The following MAMDC2 variants were observed in gnomAD, a reference collection of about 807,000 sequenced individuals.
MAMDC2 encodes the protein MAM domain containing 2.
Under a neutral mutation model 89.8 loss-of-function variants are expected in MAMDC2, and 57 were observed. That is an observed-to-expected ratio of 0.63 (90% confidence interval 0.51 to 0.79). The LOEUF (loss-of-function observed/expected upper bound fraction) is 0.79, where lower values mean the gene tolerates loss of function less well. MAMDC2 is among the 30% of genes least tolerant of loss of function. The pLI is 0.00. For missense variants in MAMDC2, 800 were observed against 820.6 expected, an observed-to-expected ratio of 0.97 and a Z score of 0.31; for synonymous variants, 313 against 293.4, an observed-to-expected ratio of 1.07 and a Z score of -0.68.
intron 11 of MAMDC2, among the ~76,000 whole-genome samples, chr9:70,207,057 C>T (rs1039823655): frequency 6.6e-6 from 1 of 152,172 alleles, no homozygotes; most frequent in African/African-American, 2.4e-5. Flanking sequence ...GGTTCCAAGG[C>T]TTTGCTATTG....
chr9:70,121,226 G>A (rs1022802790), intron 5 of MAMDC2, among the ~76,000 whole-genome samples: 3 of 152,160 alleles, frequency 2.0e-5, no homozygotes, highest in African/African-American at 7.2e-5. Flanking sequence ...GACTACCAGG[G>A]GCCACTGGTT....
chr9:70,207,482 T>C (rs1293059851), intron 11 of MAMDC2, among the ~76,000 whole-genome samples: 1 of 151,200 alleles, frequency 6.6e-6, no homozygotes, highest in African/African-American at 2.4e-5. Context: ...GGCTGTTTGA[T>C]TTTTTTCTTG....
intron 7 of MAMDC2, among the ~76,000 whole-genome samples, chr9:70,135,020 G>A (rs1157393125): frequency 6.6e-6 from 1 of 152,170 alleles, no homozygotes; most frequent in Non-Finnish European, 1.5e-5. Flanking sequence ...GAACTCCAGG[G>A]AGCAGAGGAA....
intron 2 of MAMDC2, among the ~76,000 whole-genome samples, chr9:70,077,123 T>C (rs2118111097): frequency 6.6e-6 from 1 of 152,340 alleles, no homozygotes; most frequent in African/African-American, 2.4e-5. Flanking sequence ...TGGATTAATT[T>C]ATTCTAGGTT....
intron 2 of MAMDC2, chr9:70,081,564 C>G (rs185004905): frequency 6.6e-6 from 1 of 152,206 alleles, no homozygotes; most frequent in East Asian, 1.9e-4. Flanking sequence ...TGTGTGTGTA[C>G]ATACCACACA....
At chr9:70,202,317 T>C (rs1376917032) in intron 11 of MAMDC2, among the ~76,000 whole-genome samples, 7 of 152,112 alleles carry the variant, frequency 4.6e-5, no homozygotes, top group African/African-American at 1.7e-4. Flanking sequence ...ATGTACCCAG[T>C]AGTCATTCAG....
intron 5 of MAMDC2, among the ~76,000 whole-genome samples, chr9:70,125,401 TAAG>T (rs1209908322): frequency 6.6e-6 from 1 of 152,192 alleles, no homozygotes; most frequent in Non-Finnish European, 1.5e-5. Context: ...ACAGGGCTAG[TAAG>T]AAGTGGAGCA....
intron 2 of MAMDC2, among the ~76,000 whole-genome samples, chr9:70,050,764 A>G (rs1826875387): frequency 6.6e-6 from 1 of 152,150 alleles, no homozygotes; most frequent in African/African-American, 2.4e-5. Flanking sequence ...GCTTATAGTT[A>G]TGCCATCTAC....
At chr9:70,090,355 A>C (rs1316420499) in intron 2 of MAMDC2, among the ~76,000 whole-genome samples, 1 of 151,924 alleles carries the variant, frequency 6.6e-6, no homozygotes, top group Non-Finnish European at 1.5e-5. Context: ...GTGGTGGCTC[A>C]TGCCTGCAGC....
intron 2 of MAMDC2, chr9:70,071,594 G>A (rs1269253421): frequency 6.6e-6 from 1 of 152,098 alleles, no homozygotes; most frequent in Non-Finnish European, 1.5e-5. Flanking sequence ...CATACGTGAG[G>A]TGTTATTTTT....
intron 9 of MAMDC2, among the ~76,000 whole-genome samples, chr9:70,144,497 C>T (rs2031331813): frequency 6.6e-6 from 1 of 152,216 alleles, no homozygotes; most frequent in South Asian, 2.1e-4. Context: ...TAAATTCTGT[C>T]AACTGCAACT....
intron 9 of MAMDC2, among the ~76,000 whole-genome samples, chr9:70,149,093 C>T (rs1157757121): frequency 3.4e-5 from 5 of 145,392 alleles, no homozygotes; most frequent in Admixed American, 6.9e-5. Context: ...AGCCTATAGT[C>T]CCAGCTACTC....
chr9:70,105,383 A>G (rs1828311107), intron 2 of MAMDC2, among the ~76,000 whole-genome samples: 1 of 152,150 alleles, frequency 6.6e-6, no homozygotes, highest in African/African-American at 2.4e-5. Flanking sequence ...ATTAATTTAG[A>G]AAATTAGTCT....
At chr9:70,158,179 C>A (rs1364325453) in intron 9 of MAMDC2, among the ~76,000 whole-genome samples, 22 of 152,050 alleles carry the variant, frequency 1.4e-4, no homozygotes, top group Admixed American at 1.4e-3. Context: ...TGTCTCAAAC[C>A]CCTGGGCTCA....
intron 4 of MAMDC2, 92 bp downstream of exon 4, chr9:70,109,896 A>G (rs1828460405): frequency 1.0e-6 from 1 of 998,206 alleles, no homozygotes; most frequent in Non-Finnish European, 1.6e-6. Context: ...CTAAAGACCA[A>G]CTATTTTATA....
intron 11 of MAMDC2, chr9:70,217,716 A>T: frequency 7.5e-7 from 1 of 1,327,974 alleles, no homozygotes; most frequent in African/African-American, 1.5e-5. Flanking sequence ...ATTTAAAAAA[A>T]TTACAGAGTA....
At chr9:70,149,534 G>C (rs2031517444) in intron 9 of MAMDC2, among the ~76,000 whole-genome samples, 1 of 152,154 alleles carries the variant, frequency 6.6e-6, no homozygotes, top group Admixed American at 6.5e-5. Context: ...TTGGATGCTG[G>C]CTACCTCAGG....
intron 9 of MAMDC2, 95 bp from the exon 10 acceptor site, chr9:70,168,607 C>T (rs2032238214): frequency 3.4e-6 from 3 of 882,098 alleles, no homozygotes; most frequent in Non-Finnish European, 5.5e-6. Flanking sequence ...TGTAGTTTGC[C>T]TATGCTCGCC....
chr9:70,059,950 C>A (rs1220541000), intron 2 of MAMDC2, among the ~76,000 whole-genome samples: 2 of 152,158 alleles, frequency 1.3e-5, no homozygotes, highest in Non-Finnish European at 2.9e-5. Flanking sequence ...TTCCTTCAGA[C>A]CTTCACACAA....
Sources: gnomAD v4.1 joint callset for allele counts (sites outside exome capture counted in the v4.1 genomes callset) on GRCh38, gnomAD v4.1.1 for gene constraint, MANE v1.5 for transcripts, NCBI Gene and HGNC (gene_info 2026-07-23, HGNC 2026-07-21) for gene names.